The following CTNND2 variants were observed in gnomAD, a reference collection of about 807,000 sequenced individuals.
CTNND2 encodes catenin delta 2.
Under a neutral mutation model 144.4 loss-of-function variants are expected in CTNND2, and 22 were observed. The observed-to-expected ratio is 0.15, with a 90% CI of 0.11 to 0.22. CTNND2 has a LOEUF of 0.22. Among genes scored for constraint, CTNND2 ranks in the 10% least tolerant of loss-of-function variants. The pLI is 1.00. For missense variants in CTNND2, 1,353 were observed against 1,618.8 expected (o/e 0.84, Z 2.82); for synonymous variants, 751 against 695.6 (o/e 1.08, Z -1.25).
chr5:11,689,167 A>T (rs1288050630), intron 2 of CTNND2, among the ~76,000 whole-genome samples: 1 of 152,226 alleles, frequency 6.6e-6, no homozygotes, highest in African/African-American at 2.4e-5. Flanking sequence ...CCAGCACTGT[A>T]CCTGCACCCA....
At chr5:11,632,561 T>C (rs746269227) in intron 2 of CTNND2, among the ~76,000 whole-genome samples, 2 of 152,140 alleles carry the variant, frequency 1.3e-5, no homozygotes, top group Non-Finnish European at 2.9e-5. Context: ...ACCAAAAAAG[T>C]TATGAGTCAC....
chr5:11,250,348 A>G (rs1456630769), intron 9 of CTNND2, among the ~76,000 whole-genome samples: 1 of 151,824 alleles, frequency 6.6e-6, no homozygotes, highest in Non-Finnish European at 1.5e-5. Flanking sequence ...ACCCATTGAT[A>G]AAGTCTTAGA....
chr5:11,351,342 T>C (rs1755327793), intron 8 of CTNND2, among the ~76,000 whole-genome samples: 1 of 152,060 alleles, frequency 6.6e-6, no homozygotes, highest in African/African-American at 2.4e-5. Context: ...CCTTTTCCCC[T>C]CAATAAGCTC....
chr5:11,559,418 A>T (rs1776508909), intron 3 of CTNND2, among the ~76,000 whole-genome samples: 1 of 152,130 alleles, frequency 6.6e-6, no homozygotes, highest in Non-Finnish European at 1.5e-5. Flanking sequence ...TTAGTCCAAT[A>T]TTCTATGCTC....
chr5:11,043,790 T>C (rs1422725227), intron 16 of CTNND2, among the ~76,000 whole-genome samples: 1 of 152,106 alleles, frequency 6.6e-6, no homozygotes, highest in Non-Finnish European at 1.5e-5. Context: ...ATTTCACTTG[T>C]AGCAAAGGAG....
chr5:11,438,251 C>T (rs1335972477), intron 3 of CTNND2, among the ~76,000 whole-genome samples: 1 of 152,152 alleles, frequency 6.6e-6, no homozygotes, highest in Non-Finnish European at 1.5e-5. Flanking sequence ...TTATATATTT[C>T]CATTTCTTTT....
At chr5:11,493,978 A>G (rs1410147028) in intron 3 of CTNND2, among the ~76,000 whole-genome samples, 29 of 152,188 alleles carry the variant, frequency 1.9e-4, no homozygotes, top group Non-Finnish European at 2.9e-5. Context: ...TTTTAGATAC[A>G]TAACATTAAA....
intron 12 of CTNND2, among the ~76,000 whole-genome samples, chr5:11,141,240 C>T (rs946279507): frequency 1.3e-5 from 2 of 152,214 alleles, no homozygotes; most frequent in African/African-American, 4.8e-5. Context: ...AGGCATGGGA[C>T]ATCATGCCCA....
chr5:11,171,442 G>T (rs1759900595), intron 11 of CTNND2, among the ~76,000 whole-genome samples: 1 of 152,104 alleles, frequency 6.6e-6, no homozygotes, highest in South Asian at 2.1e-4. Context: ...TGCTGATCAT[G>T]CTCAAATTTA....
chr5:11,347,194 CT>C (rs1370574289), intron 8 of CTNND2, among the ~76,000 whole-genome samples: 1 of 152,152 alleles, frequency 6.6e-6, no homozygotes, highest in Non-Finnish European at 1.5e-5. Flanking sequence ...CAATCCATGA[CT>C]GCTCTAGTTT....
chr5:11,721,516 A>G (rs1786679227), intron 2 of CTNND2, among the ~76,000 whole-genome samples: 1 of 152,200 alleles, frequency 6.6e-6, no homozygotes, highest in Non-Finnish European at 1.5e-5. Context: ...CCACCTCAAG[A>G]TTTACTGACT....
Position 11,348,469 on chromosome 5 carries a change from C to A in CTNND2, c.1373-1842G>T, listed in dbSNP as rs61750692. 1.0e-3 allele frequency among the ~76,000 whole-genome samples: 136 copies of A among 131,350 alleles called. 1 individual carries two copies. The East Asian group carries it at 0.013, about 13-fold the overall frequency. The allele number at this position is 131,350 out of a possible 152,430, so 86.2% of individuals were successfully genotyped here. ...AAAAAAAAAAAAAGAAAAAAGAAAA[C>A]TAAGTACATCTGGCATTTTTCATAG... On this transcript the variant is annotated intron_variant, in intron 8 of 21. Coordinates refer to ENST00000304623, the MANE Select transcript of CTNND2 (RefSeq NM_001332.4).
At chr5:10,982,023 G>A (rs959324966) in intron 20 of CTNND2, among the ~76,000 whole-genome samples, 177 bp from the exon 21 acceptor site, 1 of 147,206 alleles carries the variant, frequency 6.8e-6, no homozygotes, top group Non-Finnish European at 1.5e-5. Context: ...TAAAAAAGGA[G>A]AACAGTTATT....
chr5:11,708,917 T>C (rs1478758484), intron 2 of CTNND2, among the ~76,000 whole-genome samples: 31 of 152,228 alleles, frequency 2.0e-4, no homozygotes, highest in African/African-American at 4.8e-5. Flanking sequence ...GAATCATACA[T>C]AGCCCCTTGT....
chr5:11,787,972 G>C (rs1189375656), intron 1 of CTNND2, among the ~76,000 whole-genome samples: 2 of 152,118 alleles, frequency 1.3e-5, no homozygotes, highest in East Asian at 1.9e-4. Context: ...ATAGAACATT[G>C]CTCCCTATAA....
At chr5:11,843,500 G>A (rs1264528301) in intron 1 of CTNND2, among the ~76,000 whole-genome samples, 2 of 152,218 alleles carry the variant, frequency 1.3e-5, no homozygotes, top group South Asian at 2.1e-4. Flanking sequence ...TGTATCATCA[G>A]TATCACAGGA....
chr5:11,417,553 C>T (rs1762025028), intron 3 of CTNND2, among the ~76,000 whole-genome samples: 1 of 152,084 alleles, frequency 6.6e-6, no homozygotes, highest in Admixed American at 6.6e-5. Context: ...AATGTATGGC[C>T]ACTGAACACA....
intron 18 of CTNND2, among the ~76,000 whole-genome samples, chr5:11,013,301 T>G (rs559172737): frequency 1.3e-5 from 2 of 152,372 alleles, no homozygotes; most frequent in South Asian, 4.1e-4. Context: ...TTTGGGCCTT[T>G]ATTTCCTTAC....
At chr5:11,541,229 G>C (rs551908095) in intron 3 of CTNND2, among the ~76,000 whole-genome samples, 11 of 152,138 alleles carry the variant, frequency 7.2e-5, no homozygotes, top group African/African-American at 2.4e-4. Flanking sequence ...TGGTCCCAGG[G>C]ATAAGTGTTT....
Sources: allele counts gnomAD v4.1 joint callset (sites outside exome capture counted in the v4.1 genomes callset), GRCh38; gene constraint gnomAD v4.1.1; transcripts MANE v1.5; gene names NCBI Gene and HGNC (gene_info 2026-07-23, HGNC 2026-07-21).